The following CACNA1A variants were observed in gnomAD, a reference collection of about 807,000 sequenced individuals.
The protein encoded by CACNA1A is voltage-dependent P/Q-type calcium channel subunit alpha-1A.
CACNA1A carries 57 observed loss-of-function variants against 262.4 expected under a neutral mutation model. The ratio of observed to expected loss-of-function variants is 0.22; its 90% CI spans 0.18 to 0.27. CACNA1A has a LOEUF of 0.27. Ranked by LOEUF, CACNA1A falls within the 10% of genes least tolerant of loss-of-function variation. The pLI, the probability that CACNA1A is intolerant of heterozygous loss-of-function variation, is 1.00. For synonymous variants in CACNA1A, 1,431 were observed against 1,419.3 expected (o/e 1.01, Z -0.18); for missense variants, 2,526 against 3,562.8 (o/e 0.71, Z 7.41).
At chr19:13,269,226 T>A (rs182829778) in intron 24 of CACNA1A, among the ~76,000 whole-genome samples, 1 of 152,268 alleles carries the variant, frequency 6.6e-6, no homozygotes, top group Admixed American at 6.5e-5. Context: ...TGACTTTAGG[T>A]TTAATATGGG....
At chr19:13,377,433 C>T (rs918294171) in intron 3 of CACNA1A, among the ~76,000 whole-genome samples, 4 of 149,854 alleles carry the variant, frequency 2.7e-5, no homozygotes, top group Middle Eastern at 3.5e-3. Flanking sequence ...GATCTTGGCT[C>T]ACTGCAACCT....
At position 13,505,959 on chromosome 19, in the gene CACNA1A, T is replaced by C. The variant is rs1355490857; in HGVS notation, c.266A>G (p.Lys89Arg). The C allele has an allele frequency of 3.1e-6, 5 of 1,613,612 alleles. No homozygotes were observed. Among genetic ancestry groups the C allele is most frequent in the Non-Finnish European group, 4.2e-6 (5 of 1,179,850 alleles). The change falls in exon 1 of 47, where the codon AAA becomes AGA. Residue 89 changes from lysine (K) to arginine (R), a missense_variant. Coordinates refer to ENST00000360228, the MANE Select transcript of CACNA1A (RefSeq NM_001127222.2). Reference protein sequence around the residue: ...FLFSEDNVVRKYAKKITEWPP... With the variant: ...FLFSEDNVVRRYAKKITEWPP... The stretch of plus-strand genomic sequence containing the variant: ...CCATTCGGTGATCTTTTTGGCGTAT[T>C]TTCTCACCACGTTGTCTTCGCTGAA...
chr19:13,322,304 A>T (rs2058272225), intron 10 of CACNA1A, among the ~76,000 whole-genome samples: 1 of 152,106 alleles, frequency 6.6e-6, no homozygotes, highest in African/African-American at 2.4e-5. Flanking sequence ...ACTGAGGAAC[A>T]CCAAGTATCG....
chr19:13,399,184 C>T (rs192338544), intron 3 of CACNA1A, among the ~76,000 whole-genome samples: 2 of 152,160 alleles, frequency 1.3e-5, no homozygotes. Flanking sequence ...ATTCAGGACA[C>T]CCCACTTTTT....
chr19:13,328,253 A>AT (rs1429025983), intron 10 of CACNA1A, among the ~76,000 whole-genome samples: 1 of 152,242 alleles, frequency 6.6e-6, no homozygotes, highest in African/African-American at 2.4e-5. Flanking sequence ...TGAGACAGAC[A>AT]TAATTGATCA....
chr19:13,389,807 ATTAT>A (rs968656613), intron 3 of CACNA1A, among the ~76,000 whole-genome samples: 7 of 151,456 alleles, frequency 4.6e-5, no homozygotes, highest in South Asian at 4.2e-4. Flanking sequence ...TTACTTTATT[ATTAT>A]TTATTTATTT....
chr19:13,492,819 C>G (rs1170440993), intron 1 of CACNA1A, among the ~76,000 whole-genome samples: 1 of 152,166 alleles, frequency 6.6e-6, no homozygotes, highest in Non-Finnish European at 1.5e-5. Context: ...ACCTAGCATA[C>G]AGTAGGTGCT....
intron 19 of CACNA1A, among the ~76,000 whole-genome samples, chr19:13,290,756 C>CATATAT (rs140745309): frequency 6.6e-5 from 10 of 151,716 alleles, no homozygotes; most frequent in Non-Finnish European, 1.3e-4. Flanking sequence ...TATACATACA[C>CATATAT]ATATATATAC....
chr19:13,298,679 G>T lies in CACNA1A; in HGVS notation c.2954C>A (p.Pro985Gln). 4.8e-6 allele frequency: 7 copies of T among 1,472,440 alleles called. No individual in the cohort carries two copies. Among genetic ancestry groups the T allele is most frequent in the Non-Finnish European group, 6.3e-6 (7 of 1,115,032 alleles). The allele number at this position is 1,472,440 out of a possible 1,614,324, so 91.2% of individuals were successfully genotyped here. A position where few individuals can be genotyped will look rare whatever the true frequency, so the allele number is the denominator to read the frequency against. Residue 985 changes from proline (P) to glutamine (Q), a missense_variant, in exon 19 of 47, where the codon CCG (proline) becomes CAG (glutamine). Physicochemically the swap from Pro to Gln is moderately conservative, Grantham distance 76. Coordinates refer to ENST00000360228, the MANE Select transcript of CACNA1A (RefSeq NM_001127222.2). Reference sequence around the variant, plus strand: ...GCCCTCGCCCTCGCCGCCCCGGGCCGGCCGGCTGCCCTCGCGGTGCCGCGC... The same window carrying T: ...GCCCTCGCCCTCGCCGCCCCGGGCCTGCCGGCTGCCCTCGCGGTGCCGCGC... ...RRARHREGSR[P>Q]ARGGEGEGEG... is the part of the protein sequence containing the mutation.
chr19:13,339,040 A>T (rs1284900952), intron 6 of CACNA1A, among the ~76,000 whole-genome samples: 2 of 151,832 alleles, frequency 1.3e-5, no homozygotes, highest in African/African-American at 4.8e-5. Context: ...TAATTTTTGT[A>T]TTTTTAGTAG....
intron 27 of CACNA1A, chr19:13,259,361 G>T: frequency 8.7e-5 from 10 of 114,644 alleles, no homozygotes; most frequent in East Asian, 4.9e-4. Context: ...TAGTAGAAAT[G>T]GAGTTTTGCC....
intron 6 of CACNA1A, among the ~76,000 whole-genome samples, chr19:13,347,883 T>C (rs1406910515): frequency 1.3e-5 from 2 of 152,226 alleles, no homozygotes; most frequent in Admixed American, 6.5e-5. Flanking sequence ...TAGCAACCAC[T>C]GGCCAGGGGA....
Position 13,303,558 on chromosome 19 carries a change from C to T in CACNA1A, c.2160G>A (p.Gln720=). The T allele has an allele frequency of 8.1e-6, 13 of 1,595,156 alleles. No homozygotes were observed. Among genetic ancestry groups the T allele is most frequent in the Non-Finnish European group, 1.1e-5 (13 of 1,169,014 alleles). The change falls in exon 17 of 47, where the codon CAG becomes CAA. Residue 720 remains glutamine, a synonymous_variant. Transcript: ENST00000360228. ...CCACCGCCTCCACCTTGGTGAGCTC[C>T]TGGGCGTTGGCCAGATTGTCCACAG... ...AIAVDNLANA[Q]ELTKDEQEEE...
rs375315770 is a variant in CACNA1A at position 13,241,393 on chromosome 19, C to T, written c.4950+3789G>A. On this transcript the variant is annotated intron_variant, in intron 31 of 46. Coordinates refer to ENST00000360228, the MANE Select transcript of CACNA1A (RefSeq NM_001127222.2). This position sits in a 1 kb window ranked among gnomAD's most constrained non-coding sequence, Gnocchi z 4.0. ...GGGAGGACAGACAGACAGAGGAGAGCGGAGGGTTGAGGAGAGCGTCAGGCA... is the reference window on the plus strand; with the variant it reads ...GGGAGGACAGACAGACAGAGGAGAGTGGAGGGTTGAGGAGAGCGTCAGGCA... 7 of 709,250 alleles carry T rather than the reference C, an allele frequency of 9.9e-6. No individual in the cohort carries two copies. Among genetic ancestry groups the T allele is most frequent in the Admixed American group, 4.0e-5 (2 of 49,788 alleles). 43.9% of individuals were successfully genotyped at this position (709,250 alleles called of 1,614,324 possible).
chr19:13,382,146 G>T (rs2059534778), intron 3 of CACNA1A, among the ~76,000 whole-genome samples: 2 of 152,084 alleles, frequency 1.3e-5, no homozygotes, highest in Admixed American at 1.3e-4. Flanking sequence ...GTGAGTGAGA[G>T]ATTCAACTAC....
At chr19:13,321,245 G>C (rs184524597) in intron 10 of CACNA1A, among the ~76,000 whole-genome samples, 12 of 152,058 alleles carry the variant, frequency 7.9e-5, no homozygotes, top group Admixed American at 7.2e-4. Flanking sequence ...TGTTGGTCAG[G>C]CTGGTCTCGA....
chr19:13,497,502 AAAAAAAAAAAAAAAAAAAAAT>A (rs1981693434), intron 1 of CACNA1A, among the ~76,000 whole-genome samples: 9 of 37,292 alleles, frequency 2.4e-4, no homozygotes, highest in Admixed American at 9.4e-4. Context: ...AAAAAAAAAA[AAAAAAAAAAAAAAAAAAAAAT>A]ATATATATAT....
chr19:13,212,408 C>G lies in CACNA1A; in HGVS notation c.6165G>C (p.Met2055Ile). The G allele has an allele frequency of 6.2e-7, 1 of 1,613,592 alleles. No homozygotes were observed. Among genetic ancestry groups the G allele is most frequent in the Non-Finnish European group, 8.5e-7 (1 of 1,179,744 alleles). ...WSPEQGPPTD[M>I]PNSQPNSQSV... is the part of the protein sequence containing the mutation. ...CCTGAGAGTTAGGCTGGCTGTTGGG[C>G]ATGTCGGTAGGGGGGCCTTGTTCCG... Residue 2055 changes from methionine to isoleucine, a missense_variant, in exon 42 of 47, where the codon ATG becomes ATC. Coordinates refer to ENST00000360228, the MANE Select transcript of CACNA1A (RefSeq NM_001127222.2). The surrounding 1 kb of genome is among the most constrained non-coding windows in gnomAD (Gnocchi z 5.6).
intron 1 of CACNA1A, among the ~76,000 whole-genome samples, chr19:13,503,990 TAAG>T (rs1389329647): frequency 6.6e-6 from 1 of 151,794 alleles, no homozygotes; most frequent in Non-Finnish European, 1.5e-5. Flanking sequence ...TGGACAGAGG[TAAG>T]CTAAGGACAC....
Sources: allele counts gnomAD v4.1 joint callset (sites outside exome capture counted in the v4.1 genomes callset), GRCh38; gene constraint gnomAD v4.1.1; non-coding constraint Gnocchi (gnomAD v3.1); transcripts MANE v1.5; gene names NCBI Gene and HGNC (gene_info 2026-07-23, HGNC 2026-07-21).